The following CDCA5 variants were observed in gnomAD, a reference collection of about 807,000 sequenced individuals.
The protein encoded by CDCA5 is cell division cycle associated 5.
In CDCA5, 14 loss-of-function variants were observed where a neutral mutation model predicts 25.7. The observed-to-expected ratio is 0.54, with a 90% CI of 0.36 to 0.85. The LOEUF (loss-of-function observed/expected upper bound fraction) is 0.85, where lower values mean the gene tolerates loss of function less well. Ranked by LOEUF, CDCA5 falls within the 40% of genes least tolerant of loss-of-function variation. The pLI, the probability that CDCA5 is intolerant of heterozygous loss-of-function variation, is 0.01. For missense variants in CDCA5, 307 were observed against 324.5 expected (o/e 0.95, Z 0.41); for synonymous variants, 127 against 128.7 (o/e 0.99, Z 0.09).
At position 65,083,947 on chromosome 11, in the gene CDCA5, G is replaced by T; in HGVS notation, c.32C>A (p.Ala11Asp). Residue 11 changes from alanine to aspartate, a missense_variant, in exon 1 of 6, where the codon GCC becomes GAC. By Grantham distance (126) the Ala-to-Asp change is moderately radical. Coordinates refer to ENST00000275517, the MANE Select transcript of CDCA5 (RefSeq NM_080668.4). ...CCTCCGCTCACCGGAGCGCTGAGCG[G>T]CTCCTCCGGACCGCGTTCGCCTCCC... MSGRRTRSGGAAQRSGPRAPS... is the reference protein window; with the variant it reads MSGRRTRSGGDAQRSGPRAPS... The T allele has an allele frequency of 6.2e-7, 1 of 1,607,962 alleles. No homozygotes were observed. Among genetic ancestry groups the T allele is most frequent in the Non-Finnish European group, 8.5e-7 (1 of 1,179,088 alleles).
downstream of CDCA5, among the ~76,000 whole-genome samples, chr11:65,077,035 C>T (rs534189302): frequency 1.8e-4 from 27 of 152,290 alleles, no homozygotes; most frequent in African/African-American, 6.3e-4. Flanking sequence ...CGCCTGTAAT[C>T]CCAACACTTT....
intron 2 of CDCA5, chr11:65,068,162 G>A: frequency 2.5e-6 from 3 of 1,201,132 alleles, no homozygotes; most frequent in Non-Finnish European, 3.3e-6. Context: ...GGTCACGGCT[G>A]CTCACCCAAG....
At chr11:65,073,491 G>A (rs754785534), downstream of CDCA5, among the ~76,000 whole-genome samples, 12 of 152,110 alleles carry the variant, frequency 7.9e-5, no homozygotes, top group Non-Finnish European at 1.2e-4. Flanking sequence ...TTAATGACGC[G>A]GGGCTCCCCA....
chr11:65,065,127 C>T (rs992132413), downstream of CDCA5, among the ~76,000 whole-genome samples: 3 of 152,028 alleles, frequency 2.0e-5, no homozygotes, highest in African/African-American at 4.8e-5. Flanking sequence ...CGAGGATTAA[C>T]GAAGGAATTC....
downstream of CDCA5, among the ~76,000 whole-genome samples, chr11:65,072,946 T>TA (rs1947368607): frequency 1.4e-5 from 2 of 146,100 alleles, no homozygotes; most frequent in Admixed American, 6.8e-5. Flanking sequence ...TTCTTTTTTT[T>TA]TTTTTTTTTT....
intron 4 of CDCA5, chr11:65,067,617 T>G: frequency 8.0e-7 from 1 of 1,246,498 alleles, no homozygotes; most frequent in Non-Finnish European, 1.1e-6. Flanking sequence ...GGGGAAGCCC[T>G]GTCACCCTAC....
intron 4 of CDCA5, 165 bp downstream of exon 4, chr11:65,083,199 T>G: frequency 1.4e-6 from 1 of 727,700 alleles, no homozygotes; most frequent in East Asian, 2.5e-5. Context: ...GTATTAAGTC[T>G]TCAGGGAGTA....
At chr11:65,079,236 G>T in intron 5 of CDCA5, 49 bp from the exon 6 acceptor site, 1 of 1,573,640 alleles carries the variant, frequency 6.4e-7, no homozygotes, top group African/African-American at 1.4e-5. Flanking sequence ...GAACATGGTG[G>T]CTGGAGCATC....
In CDCA5 at chr11:65,078,956, G is replaced by C; in HGVS notation, c.*151C>G. On this transcript the variant is annotated 3_prime_UTR_variant, in exon 6 of 6. Coordinates refer to ENST00000275517, the MANE Select transcript of CDCA5 (RefSeq NM_080668.4). ...CAAGATGGCTGCCGCTGCTGCCCAAGCCCTCAAAGGCAGACAGTCCTCATG... is the reference window on the plus strand; with the variant it reads ...CAAGATGGCTGCCGCTGCTGCCCAACCCCTCAAAGGCAGACAGTCCTCATG... The C allele has an allele frequency of 1.6e-6, 2 of 1,265,780 alleles. No homozygotes were observed. The highest frequency in any genetic ancestry group is 2.0e-6 in the Non-Finnish European group (2 of 1,007,388). 78.4% of individuals were successfully genotyped at this position (1,265,780 alleles called of 1,614,324 possible). A position where few individuals can be genotyped will look rare whatever the true frequency, so the allele number is the denominator to read the frequency against.
At chr11:65,076,119 C>CT (rs978690410), downstream of CDCA5, among the ~76,000 whole-genome samples, 2 of 152,104 alleles carry the variant, frequency 1.3e-5, no homozygotes, top group South Asian at 4.1e-4. Flanking sequence ...TTTTGGTTGT[C>CT]TTTTTTGTCT....
intron 5 of CDCA5, chr11:65,066,769 G>T: frequency 7.8e-7 from 1 of 1,288,024 alleles, no homozygotes; most frequent in Non-Finnish European, 1.0e-6. Context: ...GGGAGGCAGG[G>T]AGGAGGCAAG....
chr11:65,075,701 G>A (rs762679703), downstream of CDCA5, among the ~76,000 whole-genome samples: 1 of 152,242 alleles, frequency 6.6e-6, no homozygotes, highest in Non-Finnish European at 1.5e-5. Flanking sequence ...TGGATGAGCA[G>A]AGCTTCAGAT....
At chr11:65,082,361 A>G (rs991176154) in intron 4 of CDCA5, among the ~76,000 whole-genome samples, 5 of 152,050 alleles carry the variant, frequency 3.3e-5, no homozygotes, top group Admixed American at 1.3e-4. Context: ...GGTCTGCTGC[A>G]GACACTAAAC....
downstream of CDCA5, among the ~76,000 whole-genome samples, chr11:65,064,992 A>C (rs1947219165): frequency 6.6e-6 from 1 of 152,140 alleles, no homozygotes; most frequent in Non-Finnish European, 1.5e-5. Flanking sequence ...GATCCCTAGG[A>C]GTCTGGTGTA....
chr11:65,079,412 C>G lies in CDCA5; in HGVS notation c.619G>C (p.Gly207Arg). The change falls in exon 5 of 6, where the codon GGA (glycine) becomes CGA (arginine). Residue 207 changes from glycine (G) to arginine (R), a missense_variant. By Grantham distance (125) the Gly-to-Arg change is moderately radical. Coordinates refer to ENST00000275517, the MANE Select transcript of CDCA5 (RefSeq NM_080668.4). ...TGTTTCTCGGGTGGTGGGGAGATTC[C>G]AGGGAGAGTCATGTCTGGGGCCCAG... ...KPWAPDMTLP[G>R]ISPPPEKQKR... 2 of 1,613,972 alleles carry G rather than the reference C, an allele frequency of 1.2e-6. No homozygotes were observed. The highest frequency in any genetic ancestry group is 3.3e-4 in the Middle Eastern group (2 of 6,062).
At chr11:65,074,875 A>G (rs1001196282), downstream of CDCA5, among the ~76,000 whole-genome samples, 4 of 152,058 alleles carry the variant, frequency 2.6e-5, no homozygotes, top group African/African-American at 9.7e-5. Flanking sequence ...CAGTCTGACC[A>G]ACATGGAGAA....
At chr11:65,067,767 G>A (rs1565266125) in intron 3 of CDCA5, 1 of 1,274,774 alleles carries the variant, frequency 7.8e-7, no homozygotes. Context: ...GAGCAAGTGG[G>A]TAGTGAAGGT....
intron 4 of CDCA5, chr11:65,066,920 T>C: frequency 7.8e-7 from 1 of 1,280,426 alleles, no homozygotes; most frequent in Non-Finnish European, 1.0e-6. Context: ...CAGCCAGGCT[T>C]TTGTTCCAGG....
At chr11:65,079,293 C>G in intron 5 of CDCA5, 60 bp downstream of exon 5, 1 of 1,612,656 alleles carries the variant, frequency 6.2e-7, no homozygotes, top group Non-Finnish European at 8.5e-7. Context: ...AGAGCCAGAG[C>G]CCCAGCCCTG....
Sources: allele counts gnomAD v4.1 joint callset (sites outside exome capture counted in the v4.1 genomes callset), GRCh38; gene constraint gnomAD v4.1.1; transcripts MANE v1.5; gene names NCBI Gene and HGNC (gene_info 2026-07-23, HGNC 2026-07-21).